PRRC2B: variants seen among roughly 807,000 people sequenced by gnomAD.
PRRC2B encodes protein PRRC2B.
A neutral mutation model predicts 242.3 loss-of-function variants in PRRC2B; 68 were observed. The observed-to-expected ratio is 0.28, with a 90% CI of 0.23 to 0.34. The LOEUF (loss-of-function observed/expected upper bound fraction) is 0.34. Among genes scored for constraint, PRRC2B ranks in the 10% least tolerant of loss-of-function variants. The pLI is 1.00. For missense variants in PRRC2B, 2,835 were observed against 2,954.8 expected, an observed-to-expected ratio of 0.96 and a Z score of 0.94; for synonymous variants, 1,228 against 1,173.6, an observed-to-expected ratio of 1.05 and a Z score of -0.95.
intron 9 of PRRC2B, among the ~76,000 whole-genome samples, chr9:131,453,296 A>G (rs1942977335): frequency 6.6e-6 from 1 of 152,144 alleles, no homozygotes; most frequent in African/African-American, 2.4e-5. Context: ...ATTTAAAGTG[A>G]TTATTTAGTA....
chr9:131,481,311 CAAAAAA>C (rs11404767), intron 19 of PRRC2B, among the ~76,000 whole-genome samples: 2 of 79,258 alleles, frequency 2.5e-5, no homozygotes, highest in African/African-American at 5.8e-5. Flanking sequence ...ACTCCGTCTC[CAAAAAA>C]AAAAAAAAAA....
intron 23 of PRRC2B, 107 bp from the exon 24 acceptor site, chr9:131,484,579 T>TA (rs1488124812): frequency 1.5e-5 from 13 of 855,042 alleles, no homozygotes; most frequent in Non-Finnish European, 2.2e-5. Flanking sequence ...AAGTCATAGA[T>TA]ACATTTGGAC....
chr9:131,491,058 C>T lies in PRRC2B; in HGVS notation c.6226-367C>T, dbSNP rs908687308. On this transcript the variant is annotated intron_variant, in intron 28 of 31. Transcript: ENST00000683519. ...TGCCGCTTCCTTGGCACCTTGTATG[C>T]TTTCAGTAAGCACTTGCTGGACAAA... 5.8e-5 allele frequency: 14 copies of T among 240,970 alleles called. 1 individual carries two copies. The highest frequency in any genetic ancestry group is 3.2e-4 in the African/African-American group (14 of 44,314). 14.9% of individuals were successfully genotyped at this position (240,970 alleles called of 1,614,324 possible). A position where few individuals can be genotyped will look rare whatever the true frequency, so the allele number is the denominator to read the frequency against.
At chr9:131,435,353 A>G (rs1010699986) in intron 3 of PRRC2B, among the ~76,000 whole-genome samples, 17 of 151,814 alleles carry the variant, frequency 1.1e-4, no homozygotes, top group African/African-American at 4.1e-4. Context: ...AGTGGCTCAC[A>G]CCTGTAATCC....
chr9:131,392,088 T>C (rs929896247), upstream of PRRC2B, among the ~76,000 whole-genome samples: 2 of 151,110 alleles, frequency 1.3e-5, no homozygotes, highest in African/African-American at 4.9e-5. Context: ...TCTTTTTTGC[T>C]TGTTTATTTT....
At chr9:131,424,121 T>C (rs139689032) in intron 1 of PRRC2B, among the ~76,000 whole-genome samples, 1 of 152,310 alleles carries the variant, frequency 6.6e-6, no homozygotes, top group African/African-American at 2.4e-5. Flanking sequence ...AATATAGTTT[T>C]AGTAGAGACA....
chr9:131,493,199 T>C, intron 30 of PRRC2B, among the ~76,000 whole-genome samples: 1 of 152,240 alleles, frequency 6.6e-6, no homozygotes, highest in East Asian at 1.9e-4. Flanking sequence ...TCCACTCTTG[T>C]ACCTTCATTT....
intron 3 of PRRC2B, among the ~76,000 whole-genome samples, chr9:131,434,872 GAC>G (rs1050347516): frequency 2.2e-4 from 34 of 152,270 alleles, no homozygotes; most frequent in East Asian, 7.7e-4. Flanking sequence ...TAAATTCACT[GAC>G]ACAGCCTTTT....
intron 19 of PRRC2B, among the ~76,000 whole-genome samples, chr9:131,480,791 C>G (rs1301127901): frequency 6.6e-6 from 1 of 151,860 alleles, no homozygotes; most frequent in African/African-American, 2.4e-5. Context: ...TTTCTGGGCT[C>G]CGGATCCATG....
chr9:131,471,512 G>A (rs761295797), intron 14 of PRRC2B, among the ~76,000 whole-genome samples: 3 of 152,072 alleles, frequency 2.0e-5, no homozygotes, highest in Non-Finnish European at 2.9e-5. Flanking sequence ...AGATAATATG[G>A]TCTGTGTGAT....
chr9:131,421,982 C>T (rs1837854222), intron 1 of PRRC2B, among the ~76,000 whole-genome samples: 1 of 152,230 alleles, frequency 6.6e-6, no homozygotes, highest in East Asian at 1.9e-4. Flanking sequence ...GCCTGGGCTC[C>T]AAGCCTGGCC....
At chr9:131,416,657 TA>T (rs774366102) in intron 1 of PRRC2B, among the ~76,000 whole-genome samples, 2 of 152,162 alleles carry the variant, frequency 1.3e-5, no homozygotes, top group East Asian at 3.8e-4. Context: ...ACATTAAATT[TA>T]ATCATGTCCC....
intron 1 of PRRC2B, among the ~76,000 whole-genome samples, chr9:131,385,448 C>T (rs997616229): frequency 3.3e-5 from 5 of 150,288 alleles, no homozygotes; most frequent in Non-Finnish European, 7.4e-5. Flanking sequence ...GCTGCCACAG[C>T]TGGCCCAGCA....
At chr9:131,380,763 G>A (rs898380146) in intron 1 of PRRC2B, among the ~76,000 whole-genome samples, 25 of 149,306 alleles carry the variant, frequency 1.7e-4, no homozygotes, top group Non-Finnish European at 2.8e-4. Context: ...CTGTAATCCC[G>A]GCTACTCGGA....
chr9:131,379,948 T>C (rs955448285), intron 1 of PRRC2B, among the ~76,000 whole-genome samples: 2 of 150,586 alleles, frequency 1.3e-5, no homozygotes, highest in East Asian at 3.9e-4. Flanking sequence ...CAGTGGTTGT[T>C]TGCCTTTTTG....
intron 18 of PRRC2B, 30 bp downstream of exon 18, chr9:131,478,649 G>GGGGGGGCCCCGGGGC: frequency 2.0e-6 from 1 of 504,560 alleles, no homozygotes; most frequent in Non-Finnish European, 4.0e-6. Context: ...GGGGCATGGG[G>GGGGGGGCCCCGGGGC]CTGGAGGGCA....
intron 1 of PRRC2B, among the ~76,000 whole-genome samples, chr9:131,422,970 G>A (rs762149934): frequency 3.3e-5 from 5 of 152,092 alleles, no homozygotes; most frequent in South Asian, 2.1e-4. Flanking sequence ...CTAGCTCCCC[G>A]TGGCAGTGTC....
intron 11 of PRRC2B, among the ~76,000 whole-genome samples, chr9:131,463,738 C>T (rs376797146): frequency 6.7e-6 from 1 of 149,866 alleles, no homozygotes; most frequent in East Asian, 2.0e-4. Context: ...TCCTTGCCAC[C>T]TCAGCTCAGT....
intron 16 of PRRC2B, 121 bp downstream of exon 16, chr9:131,476,656 CTG>C (rs2131449878): frequency 4.9e-6 from 4 of 815,928 alleles, no homozygotes; most frequent in Non-Finnish European, 7.5e-6. Flanking sequence ...CCCAGGCCGT[CTG>C]TGCGCGTCTC....
Sources: gnomAD v4.1 joint callset for allele counts (sites outside exome capture counted in the v4.1 genomes callset) on GRCh38, gnomAD v4.1.1 for gene constraint, MANE v1.5 for transcripts, NCBI Gene and HGNC (gene_info 2026-07-23, HGNC 2026-07-21) for gene names.